The following PLCL1 variants were observed in gnomAD, a reference collection of about 807,000 sequenced individuals.
PLCL1 encodes the protein inactive phospholipase C-like protein 1.
PLCL1 carries 41 observed loss-of-function variants against 84.4 expected under a neutral mutation model. That is an observed-to-expected ratio of 0.49 (90% confidence interval 0.38 to 0.63). The LOEUF (loss-of-function observed/expected upper bound fraction) is 0.63, where lower values mean the gene tolerates loss of function less well. PLCL1 is among the 30% of genes least tolerant of loss of function. The pLI is 0.00. For missense variants in PLCL1, 1,206 were observed against 1,367.8 expected (o/e 0.88, Z 1.87); for synonymous variants, 490 against 488.3 (o/e 1.00, Z -0.05).
intron 1 of PLCL1, among the ~76,000 whole-genome samples, chr2:198,054,781 T>C (rs1167036633): frequency 6.6e-6 from 1 of 152,192 alleles, no homozygotes; most frequent in Non-Finnish European, 1.5e-5. Flanking sequence ...ACTTAAGATT[T>C]TGATTTCCCT....
At chr2:198,108,158 T>C (rs1277523905) in intron 5 of PLCL1, among the ~76,000 whole-genome samples, 6 of 151,938 alleles carry the variant, frequency 3.9e-5, no homozygotes, top group African/African-American at 1.4e-4. Flanking sequence ...CCTCTAAGTA[T>C]TTTAATAAAT....
intron 5 of PLCL1, among the ~76,000 whole-genome samples, chr2:198,132,165 A>G (rs1694135689): frequency 6.6e-6 from 1 of 152,120 alleles, no homozygotes; most frequent in Admixed American, 6.6e-5. Context: ...AGTTAATCCA[A>G]TTGGTTTGTC....
intron 1 of PLCL1, among the ~76,000 whole-genome samples, chr2:198,072,018 G>A (rs1692476869): frequency 1.3e-5 from 2 of 151,920 alleles, no homozygotes; most frequent in East Asian, 3.9e-4. Flanking sequence ...TGCATCCATT[G>A]AAACTATCCC....
At chr2:198,096,682 TA>T (rs964200756) in intron 3 of PLCL1, among the ~76,000 whole-genome samples, 11 of 152,222 alleles carry the variant, frequency 7.2e-5, no homozygotes, top group South Asian at 4.1e-4. Flanking sequence ...AATTTGTTGT[TA>T]AAAAAAGGAA....
chr2:197,988,916 C>A (rs971897751), intron 1 of PLCL1, among the ~76,000 whole-genome samples: 1 of 152,084 alleles, frequency 6.6e-6, no homozygotes, highest in Non-Finnish European at 1.5e-5. Context: ...AATAGTAATT[C>A]TTGCAGGAGT....
At chr2:198,093,064 T>G (rs1693088235) in intron 3 of PLCL1, among the ~76,000 whole-genome samples, 1 of 152,162 alleles carries the variant, frequency 6.6e-6, no homozygotes, top group Non-Finnish European at 1.5e-5. Context: ...TATATTTGGC[T>G]AAAAAACTTA....
At position 198,149,163 on chromosome 2, in the gene PLCL1, T is replaced by C. The variant is rs1574347790; in HGVS notation, c.*2201T>C. ...CTCCTGTGATGTTCCTGCCTCCAGA[T>C]AGAATAGCAAAAACAAACAATTTTT... On this transcript the variant is annotated 3_prime_UTR_variant, in exon 6 of 6. Transcript: ENST00000428675. 1 of 152,016 alleles carries C rather than the reference T, an allele frequency of 6.6e-6. No homozygotes were observed. 9.4% of individuals were successfully genotyped at this position (152,016 alleles called of 1,614,324 possible).
In PLCL1 at chr2:198,103,876, G is replaced by A; in HGVS notation, c.3045G>A (p.Leu1015=). The A allele has an allele frequency of 6.2e-7, 1 of 1,608,910 alleles. No individual in the cohort carries two copies. The highest frequency in any genetic ancestry group is 8.5e-7 in the Non-Finnish European group (1 of 1,177,256). ...ATAATTTGGGGGCAAAAGAAGGCTT[G>A]AAGGGAAGAAAACTCAACAAAGCAA... ...ELHNLGAKEG[L]KGRKLNKATE... The change falls in exon 5 of 6, where the codon TTG becomes TTA. Residue 1015 remains leucine (L), a synonymous_variant. Transcript: ENST00000428675.
chr2:197,892,422 T>A (rs543226228), intron 1 of PLCL1, among the ~76,000 whole-genome samples: 1 of 152,210 alleles, frequency 6.6e-6, no homozygotes, highest in South Asian at 2.1e-4. Context: ...CATCTCAGCA[T>A]GCAAATTTAA....
At chr2:197,974,968 C>A (rs969133668) in intron 1 of PLCL1, among the ~76,000 whole-genome samples, 2 of 151,568 alleles carry the variant, frequency 1.3e-5, no homozygotes, top group Non-Finnish European at 2.9e-5. Context: ...GGTGAAACCC[C>A]GTCTCTACTA....
intron 1 of PLCL1, among the ~76,000 whole-genome samples, chr2:197,911,954 G>C (rs1479948851): frequency 6.6e-6 from 1 of 152,110 alleles, no homozygotes; most frequent in African/African-American, 2.4e-5. Context: ...GGAGAGAGCC[G>C]CTACCACTTC....
intron 5 of PLCL1, among the ~76,000 whole-genome samples, chr2:198,109,202 T>A (rs764977086): frequency 7.2e-5 from 11 of 151,816 alleles, no homozygotes; most frequent in Non-Finnish European, 1.6e-4. Flanking sequence ...GAGAGCACAG[T>A]CTCTTCTTCC....
At chr2:198,068,344 T>C (rs1429219012) in intron 1 of PLCL1, among the ~76,000 whole-genome samples, 1 of 152,216 alleles carries the variant, frequency 6.6e-6, no homozygotes, top group East Asian at 1.9e-4. Flanking sequence ...TTGAAACAAA[T>C]TTAATTTAAT....
At chr2:197,889,719 T>C (rs1309110941) in intron 1 of PLCL1, among the ~76,000 whole-genome samples, 3 of 152,222 alleles carry the variant, frequency 2.0e-5, no homozygotes, top group East Asian at 1.9e-4. Context: ...AGTTTTTTTT[T>C]CTTGCAAATC....
chr2:198,109,893 A>G (rs1250619687), intron 5 of PLCL1, among the ~76,000 whole-genome samples: 1 of 151,746 alleles, frequency 6.6e-6, no homozygotes, highest in Non-Finnish European at 1.5e-5. Context: ...AATCAATTTT[A>G]GCAGGCTGGA....
At chr2:197,826,175 A>G (rs1574899187) in intron 1 of PLCL1, among the ~76,000 whole-genome samples, 1 of 152,204 alleles carries the variant, frequency 6.6e-6, no homozygotes, top group African/African-American at 2.4e-5. Context: ...TATGACATGT[A>G]TTTAGTCAGA....
intron 1 of PLCL1, among the ~76,000 whole-genome samples, chr2:197,942,949 G>A (rs1689190106): frequency 1.3e-5 from 2 of 152,138 alleles, no homozygotes; most frequent in Non-Finnish European, 2.9e-5. Context: ...GCTAACACCT[G>A]CAATCCCATT....
intron 1 of PLCL1, among the ~76,000 whole-genome samples, chr2:198,024,345 A>G (rs922955852): frequency 1.3e-5 from 2 of 152,166 alleles, no homozygotes; most frequent in African/African-American, 2.4e-5. Flanking sequence ...ATATATACCT[A>G]TGTAACAAAC....
At chr2:197,972,774 T>G (rs1689897386) in intron 1 of PLCL1, among the ~76,000 whole-genome samples, 1 of 152,228 alleles carries the variant, frequency 6.6e-6, no homozygotes, top group Admixed American at 6.5e-5. Flanking sequence ...CTCTTTGATA[T>G]ATGTCAGCAA....
Sources: gnomAD v4.1 joint callset for allele counts (sites outside exome capture counted in the v4.1 genomes callset) on GRCh38, gnomAD v4.1.1 for gene constraint, MANE v1.5 for transcripts, NCBI Gene and HGNC (gene_info 2026-07-23, HGNC 2026-07-21) for gene names.